RTN3: variants seen among roughly 807,000 people sequenced by gnomAD.
RTN3 encodes the protein reticulon 3, also known as reticulon-3.
RTN3 carries 49 observed loss-of-function variants against 77.8 expected under a neutral mutation model. The ratio of observed to expected loss-of-function variants is 0.63; its 90% confidence interval spans 0.50 to 0.80. RTN3 has a LOEUF of 0.80. Among genes scored for constraint, RTN3 ranks in the 30% least tolerant of loss-of-function variants. The pLI is 0.00. For missense variants in RTN3, 1,236 were observed against 1,211.9 expected (o/e 1.02, Z -0.29); for synonymous variants, 464 against 446.9 (o/e 1.04, Z -0.48).
Position 63,752,600 on chromosome 11 carries a change from C to T in RTN3, c.2832C>T (p.Leu944=), listed in dbSNP as rs1048383415. The part of the protein sequence containing the change: ...AMVHINRALK[L]IIRLFLVEDL... ...TGCACATCAACAGGGCCCTGAAACT[C>T]ATTATTCGTCTCTTTCTGGTAGAAG... The change falls in exon 5 of 9, where the codon CTC becomes CTT. Residue 944 remains leucine, a synonymous_variant. Transcript: ENST00000377819. 2.7e-5 allele frequency: 44 copies of T among 1,613,888 alleles called. No homozygotes were observed. Among genetic ancestry groups the T allele is most frequent in the Non-Finnish European group, 3.7e-5 (44 of 1,179,968 alleles).
At chr11:63,743,806 C>T (rs1428038214) in intron 3 of RTN3, among the ~76,000 whole-genome samples, 1 of 151,962 alleles carries the variant, frequency 6.6e-6, no homozygotes, top group Non-Finnish European at 1.5e-5. Flanking sequence ...ATCCCAGCTA[C>T]TCAGGAAGCT....
chr11:63,681,744 C>T lies in RTN3; in HGVS notation c.108C>T (p.Ala36=), dbSNP rs1941060283. 1.2e-6 allele frequency: 2 copies of T among 1,605,742 alleles called. No homozygotes were observed. The highest frequency in any genetic ancestry group is 1.7e-5 in the Admixed American group (1 of 58,796). The change falls in exon 1 of 9, where the codon GCC becomes GCT. Residue 36 remains alanine (A), a synonymous_variant. Coordinates refer to ENST00000377819, the MANE Select transcript of RTN3 (RefSeq NM_001265589.2). ...GCGGGAGCCCAGGAGCCTGCCCCGC[C>T]CTGGGGACGAAGAGCTGCAGCTCCT... ...GGGGSPGACP[A]LGTKSCSSSC... is the part of the protein sequence containing the mutation.
intron 3 of RTN3, among the ~76,000 whole-genome samples, chr11:63,723,961 C>T (rs1421377374): frequency 6.6e-6 from 1 of 152,064 alleles, no homozygotes; most frequent in Non-Finnish European, 1.5e-5. Flanking sequence ...GATAGACTCT[C>T]ATAGTTTGGG....
intron 1 of RTN3, among the ~76,000 whole-genome samples, chr11:63,689,975 C>A (rs1038085374): frequency 4.6e-5 from 7 of 152,000 alleles, no homozygotes; most frequent in Admixed American, 4.6e-4. Context: ...TCAGGCTGGT[C>A]CCGAACTCCT....
At chr11:63,727,564 A>G (rs956130520) in intron 3 of RTN3, among the ~76,000 whole-genome samples, 1 of 152,220 alleles carries the variant, frequency 6.6e-6, no homozygotes, top group African/African-American at 2.4e-5. Context: ...CAAAATGGAG[A>G]TGACAGGGGA....
At chr11:63,755,956 CAA>C (rs112296263) in intron 7 of RTN3, among the ~76,000 whole-genome samples, 154 bp from the exon 8 acceptor site, 2 of 115,452 alleles carry the variant, frequency 1.7e-5, no homozygotes, top group Non-Finnish European at 1.9e-5. Flanking sequence ...GGCTCCGTCT[CAA>C]AAAAAAAAAA....
intron 1 of RTN3, among the ~76,000 whole-genome samples, chr11:63,689,846 C>T (rs113974937): frequency 1.1e-4 from 17 of 151,952 alleles, no homozygotes; most frequent in African/African-American, 3.9e-4. Flanking sequence ...CAACCTCCGC[C>T]CCCCGGGTTC....
rs1234416260 is a variant in RTN3, at chr11:63,719,330, T to G, written c.828T>G (p.Ser276=). 16 of 1,614,102 alleles carry G rather than the reference T, an allele frequency of 9.9e-6. No individual in the cohort carries two copies. Among genetic ancestry groups the G allele is most frequent in the Non-Finnish European group, 1.3e-5 (15 of 1,180,052 alleles). ...KESTDDFGSW[S]VHTDKESSED... is the part of the protein sequence containing the mutation. ...GCACAGATGATTTTGGTAGCTGGTC[T>G]GTGCACACTGATAAAGAATCATCCG... Residue 276 remains serine, a synonymous_variant, in exon 3 of 9, where the codon TCT becomes TCG. Transcript: ENST00000377819.
intron 1 of RTN3, among the ~76,000 whole-genome samples, chr11:63,703,045 A>G (rs1942322993): frequency 2.0e-5 from 3 of 152,048 alleles, no homozygotes; most frequent in Admixed American, 1.3e-4. Context: ...CACTTAGCCT[A>G]CCTTATCTCA....
intron 2 of RTN3, among the ~76,000 whole-genome samples, chr11:63,718,404 C>T (rs962317223): frequency 6.6e-6 from 1 of 152,280 alleles, no homozygotes; most frequent in East Asian, 1.9e-4. Context: ...TACCGCCCTT[C>T]TTTATGCTTT....
At chr11:63,706,362 T>A (rs1942495298) in intron 2 of RTN3, among the ~76,000 whole-genome samples, 1 of 152,132 alleles carries the variant, frequency 6.6e-6, no homozygotes, top group Non-Finnish European at 1.5e-5. Flanking sequence ...GCTAATTTTT[T>A]AATTTTTATT....
intron 3 of RTN3, among the ~76,000 whole-genome samples, chr11:63,732,802 T>C (rs2012788361): frequency 6.6e-6 from 1 of 152,120 alleles, no homozygotes; most frequent in Non-Finnish European, 1.5e-5. Context: ...ATTTATAAAC[T>C]AGTATATATG....
Position 63,720,013 on chromosome 11 carries a change from T to C in RTN3, c.1511T>C (p.Val504Ala), listed in dbSNP as rs771529840. 2 of 1,614,040 alleles carry C rather than the reference T, an allele frequency of 1.2e-6. No homozygotes were observed. Among genetic ancestry groups the C allele is most frequent in the Non-Finnish European group, 1.7e-6 (2 of 1,179,990 alleles). Residue 504 changes from valine to alanine, a missense_variant, in exon 3 of 9, where the codon GTA (valine) becomes GCA (alanine). Val to Ala is a moderately conservative substitution (Grantham distance 64, BLOSUM62 0). Around this residue, in one of 3 missense-constraint regions of RTN3, gnomAD observed 1,056 missense variants for 990.4 expected, o/e 1.07. Transcript: ENST00000377819. ...AGTTCTGGTGAGTCTGATGACACAG[T>C]AATAGAGGACATCACAGCAGATACA... ...ADSSGESDDT[V>A]IEDITADTSF...
chr11:63,700,580 G>C (rs1296908353), intron 1 of RTN3, among the ~76,000 whole-genome samples: 2 of 149,872 alleles, frequency 1.3e-5, no homozygotes. Context: ...CACCTCACCT[G>C]ACCTGTTTCC....
At chr11:63,703,945 G>A (rs1227281991) in intron 1 of RTN3, among the ~76,000 whole-genome samples, 2 of 152,014 alleles carry the variant, frequency 1.3e-5, no homozygotes, top group African/African-American at 4.8e-5. Context: ...GAGAATATGT[G>A]CATTTTAAAT....
At chr11:63,691,311 G>A (rs1389930856) in intron 1 of RTN3, among the ~76,000 whole-genome samples, 1 of 151,844 alleles carries the variant, frequency 6.6e-6, no homozygotes, top group Admixed American at 6.6e-5. Context: ...AGTAGAGGCA[G>A]GGTTTCACCA....
chr11:63,748,368 T>TA (rs1435916562), intron 3 of RTN3, among the ~76,000 whole-genome samples: 3 of 150,410 alleles, frequency 2.0e-5, no homozygotes, highest in African/African-American at 7.4e-5. Flanking sequence ...TTTTTTTTTT[T>TA]AAACAGTCTC....
Position 63,681,680 on chromosome 11 carries a change from C to A in RTN3, c.44C>A (p.Ser15Ter), listed in dbSNP as rs759103345. 5 of 1,611,794 alleles carry A rather than the reference C, an allele frequency of 3.1e-6. No homozygotes were observed. The highest frequency in any genetic ancestry group is 4.2e-6 in the Non-Finnish European group (5 of 1,178,916). The change falls in exon 1 of 9, where the codon TCG (serine) becomes TAG (stop). Residue 15 changes from serine to a stop codon, truncating the protein, a stop_gained. Transcript: ENST00000377819. LOFTEE classifies it high-confidence loss of function. Reference protein sequence around the residue: ...SAATQSHSISSSSFGAEPSAP... With the variant: ...SAATQSHSIS ...GCCACTCAGTCCCATTCCATCTCCTCGTCGTCCTTCGGAGCCGAGCCGTCC... is the reference window on the plus strand; with the variant it reads ...GCCACTCAGTCCCATTCCATCTCCTAGTCGTCCTTCGGAGCCGAGCCGTCC...
At position 63,718,696 on chromosome 11, in the gene RTN3, T is replaced by C; in HGVS notation, c.200-6T>C. On this transcript the variant is annotated splice_region_variant and splice_polypyrimidine_tract_variant and intron_variant, in intron 2 of 8. Transcript: ENST00000377819. ...ACAATTTTTTTCTTTGAAATTCTGA[T>C]CATAGAGGGATTGAGCTCTCTTTGC... 1 of 1,554,720 alleles carries C rather than the reference T, an allele frequency of 6.4e-7. No individual in the cohort carries two copies. Among genetic ancestry groups the C allele is most frequent in the Non-Finnish European group, 8.6e-7 (1 of 1,156,508 alleles).
Sources: allele counts gnomAD v4.1 joint callset (sites outside exome capture counted in the v4.1 genomes callset), GRCh38; gene constraint gnomAD v4.1.1; regional missense constraint gnomAD v4.1.1; transcripts MANE v1.5; gene names NCBI Gene and HGNC (gene_info 2026-07-23, HGNC 2026-07-21).